The following ZNF451 variants were observed in gnomAD, a reference collection of about 807,000 sequenced individuals.
The protein encoded by ZNF451 is E3 SUMO-protein ligase ZNF451.
Under a neutral mutation model 107.1 loss-of-function variants are expected in ZNF451, and 80 were observed. That is an observed-to-expected ratio of 0.75 (90% CI 0.62 to 0.90). The LOEUF is 0.90. ZNF451 is among the 40% of genes least tolerant of loss of function. ZNF451 has a pLI of 0.00. For missense variants in ZNF451, 1,107 were observed against 1,236.2 expected, an observed-to-expected ratio of 0.90 and a Z score of 1.57; for synonymous variants, 362 against 406.5, an observed-to-expected ratio of 0.89 and a Z score of 1.32.
At chr6:57,101,523 A>G (rs1203074719) in intron 3 of ZNF451, 2 of 1,550,884 alleles carry the variant, frequency 1.3e-6, no homozygotes, top group Non-Finnish European at 1.7e-6. Context: ...CTACCTCAAA[A>G]GAAATGGAGG....
Position 57,147,228 on chromosome 6 carries a change from G to A in ZNF451, c.1143G>A (p.Lys381=), listed in dbSNP as rs1425523624. 1.4e-5 allele frequency: 23 copies of A among 1,613,868 alleles called. No homozygotes were observed. Among genetic ancestry groups the A allele is most frequent in the Non-Finnish European group, 1.9e-5 (23 of 1,179,962 alleles). Residue 381 remains lysine, a synonymous_variant, in exon 10 of 15, where the codon AAG becomes AAA. Coordinates refer to ENST00000370706, the MANE Select transcript of ZNF451 (RefSeq NM_001031623.3). ...FVDETSTQNH[K]QNSGHKVRVI... ...ATGAAACCAGCACCCAAAATCATAA[G>A]CAGAATTCAGGACACAAAGTCCGAG...
intron 10 of ZNF451, among the ~76,000 whole-genome samples, chr6:57,149,065 C>T (rs1227687643): frequency 2.0e-5 from 3 of 151,998 alleles, no homozygotes; most frequent in Non-Finnish European, 2.9e-5. Flanking sequence ...AGATAAATCA[C>T]GTGAATTCTT....
chr6:57,105,730 G>T, intron 3 of ZNF451: 1 of 985,296 alleles, frequency 1.0e-6, no homozygotes, highest in Non-Finnish European at 1.2e-6. Flanking sequence ...ATCTAACCTT[G>T]TTCTTAGCCA....
rs556526178 is a variant in ZNF451, at chr6:57,105,675, G to A, written c.186+6534G>A. Reference sequence around the variant, plus strand: ...GCTAATTTTGGGGGGCCTTAAGGCAGCTTTGTTTTCTATAGATATGCTCTA... The same window carrying A: ...GCTAATTTTGGGGGGCCTTAAGGCAACTTTGTTTTCTATAGATATGCTCTA... On this transcript the variant is annotated intron_variant, in intron 3 of 14. Coordinates refer to ENST00000370706, the MANE Select transcript of ZNF451 (RefSeq NM_001031623.3). 1.6e-4 allele frequency: 161 copies of A among 985,342 alleles called. No homozygotes were observed. The African/African-American group carries it at 2.2e-3, about 13-fold the overall frequency. The allele number at this position is 985,342 out of a possible 1,614,324, so 61.0% of individuals were successfully genotyped here.
At chr6:57,097,548 G>C (rs751842281) in intron 2 of ZNF451, among the ~76,000 whole-genome samples, 13 of 152,040 alleles carry the variant, frequency 8.6e-5, no homozygotes, top group Middle Eastern at 3.2e-3. Context: ...CTACTTTCTT[G>C]AAAGTTGCTC....
At chr6:57,144,827 G>T (rs1831980056) in intron 9 of ZNF451, among the ~76,000 whole-genome samples, 1 of 152,034 alleles carries the variant, frequency 6.6e-6, no homozygotes, top group Non-Finnish European at 1.5e-5. Context: ...CTACTTGGTG[G>T]CTGAGGCAAG....
intron 13 of ZNF451, chr6:57,159,477 G>T: frequency 3.0e-6 from 2 of 659,510 alleles, no homozygotes; most frequent in South Asian, 6.8e-5. Flanking sequence ...GTTCAGCTTT[G>T]AATGTAGCCC....
chr6:57,147,991 T>TA lies in ZNF451; in HGVS notation c.1907dup (p.Tyr636Ter). The change falls in exon 10 of 15, where the codon TAC (tyrosine) becomes TAAC (stop). Residue 636 changes from tyrosine (Y) to a stop codon, truncating the protein, a stop_gained and frameshift_variant. Transcript: ENST00000370706. LOFTEE classifies it high-confidence loss of function. ...TTTGGCAAGCCACAAGTTTCATAGA[T>TA]ACAGCTGTGCTCACTGCAGAAAGCC... ...MSLASHKFHRYSCAHCRKPFH... is the reference protein window; with the variant it reads ...MSLASHKFHR The TA allele has an allele frequency of 3.1e-6, 5 of 1,614,164 alleles. No homozygotes were observed. Among genetic ancestry groups the TA allele is most frequent in the Non-Finnish European group, 4.2e-6 (5 of 1,179,982 alleles).
chr6:57,134,916 A>G (rs1831359930), intron 7 of ZNF451, 46 bp downstream of exon 7: 7 of 1,544,768 alleles, frequency 4.5e-6, no homozygotes, highest in Admixed American at 1.8e-5. Flanking sequence ...CTAGATAGCC[A>G]TGGAGTTAAG....
At position 57,141,376 on chromosome 6, in the gene ZNF451, C is replaced by T. The variant is rs1234367916; in HGVS notation, c.777C>T (p.Phe259=). ...AGTGTTTTGCATGTCCAAATTGCTT[C>T]CTTCTTTTTAGCAGAAAGGAGGAGT... is the stretch of plus-strand genomic sequence containing the variant. The part of the protein sequence containing the change: ...IIQCFACPNC[F]LLFSRKEECS... Residue 259 remains phenylalanine, a synonymous_variant, in exon 8 of 15, where the codon TTC becomes TTT. Coordinates refer to ENST00000370706, the MANE Select transcript of ZNF451 (RefSeq NM_001031623.3). 1.2e-6 allele frequency: 2 copies of T among 1,613,374 alleles called. No homozygotes were observed. Among genetic ancestry groups the T allele is most frequent in the Non-Finnish European group, 8.5e-7 (1 of 1,179,634 alleles).
At chr6:57,106,634 G>A in intron 3 of ZNF451, 1 of 813,572 alleles carries the variant, frequency 1.2e-6, no homozygotes. Context: ...TTTTTTTTAT[G>A]TGAGGCATAT....
At chr6:57,099,697 A>G (rs1829495290) in intron 3 of ZNF451, 3 of 538,906 alleles carry the variant, frequency 5.6e-6, no homozygotes, top group East Asian at 2.9e-5. Context: ...TGACCCTTGG[A>G]CCAATACTTC....
At chr6:57,099,639 A>G in intron 3 of ZNF451, 2 of 638,832 alleles carry the variant, frequency 3.1e-6, no homozygotes, top group South Asian at 3.7e-5. Flanking sequence ...TCTGTGCCCC[A>G]CATATTTGGA....
intron 9 of ZNF451, among the ~76,000 whole-genome samples, chr6:57,142,650 G>A (rs942714009): frequency 2.0e-5 from 3 of 152,152 alleles, no homozygotes; most frequent in Admixed American, 6.5e-5. Context: ...GAATAAAGCT[G>A]CTTTGAATAC....
chr6:57,135,712 A>C (rs183484464), intron 7 of ZNF451, among the ~76,000 whole-genome samples: 24 of 152,228 alleles, frequency 1.6e-4, no homozygotes, highest in Admixed American at 5.9e-4. Flanking sequence ...ATATAGTATT[A>C]ATTTAATAAA....
intron 2 of ZNF451, among the ~76,000 whole-genome samples, chr6:57,096,967 A>AC (rs1829358684): frequency 6.6e-6 from 1 of 151,210 alleles, no homozygotes; most frequent in Non-Finnish European, 1.5e-5. Context: ...ACAGGGTTTC[A>AC]CCATGTTGGC....
intron 13 of ZNF451, among the ~76,000 whole-genome samples, chr6:57,156,131 TTTA>T (rs1237826939): frequency 6.6e-6 from 1 of 152,156 alleles, no homozygotes; most frequent in African/African-American, 2.4e-5. Context: ...ATAGCTATTT[TTTA>T]TTATTACTAC....
chr6:57,137,376 TCTAGA>T (rs1247277832), intron 7 of ZNF451, among the ~76,000 whole-genome samples: 9 of 152,200 alleles, frequency 5.9e-5, no homozygotes, highest in Admixed American at 5.9e-4. Context: ...ATTTCTTCAC[TCTAGA>T]CTAGGCCTTC....
chr6:57,124,840 A>G lies in ZNF451; in HGVS notation c.293A>G (p.Glu98Gly). Residue 98 changes from glutamate to glycine, a missense_variant, in exon 4 of 15, where the codon GAG (glutamate) becomes GGG (glycine). By Grantham distance (98) the Glu-to-Gly change is moderately conservative. This residue lies in a region of ZNF451 where 339 missense variants were observed against 372.8 expected (regional missense o/e 0.91). Transcript: ENST00000370706. The part of the protein sequence containing the change: ...HVEVEKQQKE[E>G]KNRAFREKID... Reference sequence around the variant, plus strand: ...GAAGTGGAGAAACAGCAGAAAGAAGAGAAGAATAGAGCATTCAGAGTATGT... The same window carrying G: ...GAAGTGGAGAAACAGCAGAAAGAAGGGAAGAATAGAGCATTCAGAGTATGT... The G allele has an allele frequency of 6.2e-7, 1 of 1,609,762 alleles. No individual in the cohort carries two copies. Among genetic ancestry groups the G allele is most frequent in the Non-Finnish European group, 8.5e-7 (1 of 1,177,294 alleles).
Sources: gnomAD v4.1 joint callset for allele counts (sites outside exome capture counted in the v4.1 genomes callset) on GRCh38, gnomAD v4.1.1 for gene constraint, gnomAD v4.1.1 regional missense constraint, MANE v1.5 for transcripts, NCBI Gene and HGNC (gene_info 2026-07-23, HGNC 2026-07-21) for gene names.